Variants in PIP5K1B observed in about 807,000 individuals in gnomAD.
PIP5K1B encodes phosphatidylinositol-4-phosphate 5-kinase type 1 beta, also known as phosphatidylinositol 4-phosphate 5-kinase type-1 beta.
A neutral mutation model predicts 67.0 loss-of-function variants in PIP5K1B; 42 were observed. The observed-to-expected ratio is 0.63, with a 90% CI of 0.49 to 0.81. The LOEUF is 0.81. PIP5K1B is among the 30% of genes least tolerant of loss of function. The pLI is 0.00. For synonymous variants in PIP5K1B, 214 were observed against 231.4 expected, an observed-to-expected ratio of 0.92 and a Z score of 0.68; for missense variants, 459 against 646.3, an observed-to-expected ratio of 0.71 and a Z score of 3.14.
At chr9:68,905,323 T>G (rs1407990308) in intron 8 of PIP5K1B, among the ~76,000 whole-genome samples, 1 of 152,096 alleles carries the variant, frequency 6.6e-6, no homozygotes, top group African/African-American at 2.4e-5. Context: ...TGAAGATGTA[T>G]CTGGAAAGGC....
chr9:68,998,937 A>G (rs1324913619), intron 15 of PIP5K1B, among the ~76,000 whole-genome samples: 1 of 152,202 alleles, frequency 6.6e-6, no homozygotes, highest in Non-Finnish European at 1.5e-5. Flanking sequence ...AAGGCCTGCT[A>G]TCACAAATGA....
chr9:69,001,058 C>T (rs1299017412), intron 15 of PIP5K1B, among the ~76,000 whole-genome samples: 1 of 151,960 alleles, frequency 6.6e-6, no homozygotes, highest in African/African-American at 2.4e-5. Flanking sequence ...GCCACCACAC[C>T]CGGCTAATTT....
intron 8 of PIP5K1B, among the ~76,000 whole-genome samples, chr9:68,902,131 T>C (rs775102344): frequency 6.6e-6 from 1 of 152,180 alleles, no homozygotes; most frequent in Non-Finnish European, 1.5e-5. Flanking sequence ...CAGTTTTACA[T>C]GCACATGTGT....
At chr9:68,991,980 G>GC (rs957199966) in intron 15 of PIP5K1B, among the ~76,000 whole-genome samples, 9 of 151,860 alleles carry the variant, frequency 5.9e-5, no homozygotes, top group Admixed American at 4.6e-4. Flanking sequence ...TTTTTTTTGG[G>GC]GGGGGGCAGA....
At chr9:68,725,058 A>G (rs999057452) in intron 1 of PIP5K1B, among the ~76,000 whole-genome samples, 3 of 152,200 alleles carry the variant, frequency 2.0e-5, no homozygotes, top group Non-Finnish European at 2.9e-5. Flanking sequence ...AATTATTGTC[A>G]TTTATCATTC....
intron 2 of PIP5K1B, chr9:68,783,599 C>A (rs1831429702): frequency 6.0e-6 from 1 of 166,868 alleles, no homozygotes; most frequent in South Asian, 2.1e-4. Context: ...ATGCAGGAAA[C>A]CAACATGTCA....
intron 8 of PIP5K1B, among the ~76,000 whole-genome samples, chr9:68,904,959 T>A (rs1825536643): frequency 6.6e-6 from 1 of 152,102 alleles, no homozygotes; most frequent in South Asian, 2.1e-4. Context: ...AAGTTTTCAT[T>A]TTAAGTAACT....
intron 4 of PIP5K1B, among the ~76,000 whole-genome samples, chr9:68,859,924 A>T (rs568139702): frequency 6.6e-6 from 1 of 152,290 alleles, no homozygotes; most frequent in African/African-American, 2.4e-5. Context: ...TTAATTGACA[A>T]GTAAAAATTA....
intron 2 of PIP5K1B, among the ~76,000 whole-genome samples, chr9:68,761,761 C>G (rs963404537): frequency 6.6e-6 from 1 of 152,114 alleles, no homozygotes; most frequent in African/African-American, 2.4e-5. Context: ...ACCCTTGTGA[C>G]TACACTGTGC....
chr9:68,995,892 T>C (rs918322928), intron 15 of PIP5K1B, among the ~76,000 whole-genome samples: 1 of 152,206 alleles, frequency 6.6e-6, no homozygotes, highest in Non-Finnish European at 1.5e-5. Flanking sequence ...GTCTCTTTTT[T>C]CCTTTTGACA....
At chr9:68,943,675 G>A (rs1040611299) in intron 14 of PIP5K1B, among the ~76,000 whole-genome samples, 2 of 151,914 alleles carry the variant, frequency 1.3e-5, no homozygotes, top group Admixed American at 1.3e-4. Context: ...AAAAAAGAAA[G>A]AAAAAGAAAA....
intron 6 of PIP5K1B, among the ~76,000 whole-genome samples, chr9:68,880,585 ACACG>A (rs983198739): frequency 4.6e-5 from 2 of 43,734 alleles, no homozygotes; most frequent in Admixed American, 2.5e-4. Flanking sequence ...ACACACACAC[ACACG>A]CATACACACA....
intron 1 of PIP5K1B, among the ~76,000 whole-genome samples, chr9:68,717,297 G>C (rs566512006): frequency 6.6e-6 from 1 of 152,232 alleles, no homozygotes; most frequent in East Asian, 1.9e-4. Context: ...GAGACTGGAC[G>C]GTAGCATCCT....
chr9:68,871,709 G>C (rs1195756538), intron 5 of PIP5K1B, among the ~76,000 whole-genome samples: 1 of 152,170 alleles, frequency 6.6e-6, no homozygotes, highest in East Asian at 1.9e-4. Flanking sequence ...GATAGGGATT[G>C]TAACGTGTGC....
At chr9:68,709,227 T>C (rs1214269510) in intron 1 of PIP5K1B, among the ~76,000 whole-genome samples, 3 of 152,168 alleles carry the variant, frequency 2.0e-5, no homozygotes, top group Non-Finnish European at 4.4e-5. Context: ...AAAAATAACA[T>C]GTTTTTTTCT....
At chr9:68,845,560 T>C (rs1822145696) in intron 4 of PIP5K1B, among the ~76,000 whole-genome samples, 1 of 152,060 alleles carries the variant, frequency 6.6e-6, no homozygotes, top group Non-Finnish European at 1.5e-5. Context: ...AGGATAGGGA[T>C]CCCGAAGGCC....
At chr9:68,776,504 G>GTCTC (rs56676237) in intron 2 of PIP5K1B, among the ~76,000 whole-genome samples, 8 of 151,510 alleles carry the variant, frequency 5.3e-5, no homozygotes, top group Admixed American at 2.6e-4. Context: ...ATAAGATGAG[G>GTCTC]TCTCTCTCTT....
At chr9:68,745,710 A>G (rs903993755) in intron 2 of PIP5K1B, among the ~76,000 whole-genome samples, 2 of 152,206 alleles carry the variant, frequency 1.3e-5, no homozygotes, top group Non-Finnish European at 2.9e-5. Context: ...CTGTGTTGCC[A>G]GCTCCTTCTG....
intron 4 of PIP5K1B, among the ~76,000 whole-genome samples, chr9:68,852,776 C>T (rs540399273): frequency 6.6e-6 from 1 of 152,286 alleles, no homozygotes; most frequent in Admixed American, 6.5e-5. Context: ...GCTACTAGAG[C>T]TACAGGGATG....
Sources: allele counts gnomAD v4.1 joint callset (sites outside exome capture counted in the v4.1 genomes callset), GRCh38; gene constraint gnomAD v4.1.1; transcripts MANE v1.5; gene names NCBI Gene and HGNC (gene_info 2026-07-23, HGNC 2026-07-21).